The following CSTPP1 variants were observed in gnomAD, a reference collection of about 807,000 sequenced individuals.
CSTPP1 encodes the protein centriolar satellite-associated tubulin polyglutamylase complex regulator 1, also known as UPF0705 protein C11orf49.
the CSTPP1 span, among the ~76,000 whole-genome samples, chr11:47,094,420 A>G: frequency 1.3e-5 from 2 of 152,184 alleles, no homozygotes. Context: ...AACTAACAAA[A>G]TTAGGAACCT....
At chr11:47,013,065 T>C in the CSTPP1 span, among the ~76,000 whole-genome samples, 3 of 147,044 alleles carry the variant, frequency 2.0e-5, no homozygotes, top group Non-Finnish European at 3.0e-5. Context: ...TAATAACATA[T>C]ATATTTTATT....
chr11:47,164,190 G>A, the CSTPP1 span: 1 of 1,613,544 alleles, frequency 6.2e-7, no homozygotes, highest in South Asian at 1.1e-5. Flanking sequence ...GGAGGCCCTG[G>A]AGAGAGTGTC....
the CSTPP1 span, among the ~76,000 whole-genome samples, chr11:46,955,997 C>T: frequency 2.0e-5 from 3 of 148,722 alleles, no homozygotes; most frequent in East Asian, 2.0e-4. Context: ...CCCCCCCCCC[C>T]CCACCAAAAA....
At chr11:46,976,020 T>TC in the CSTPP1 span, among the ~76,000 whole-genome samples, 1 of 152,102 alleles carries the variant, frequency 6.6e-6, no homozygotes, top group Non-Finnish European at 1.5e-5. Flanking sequence ...GGGTCATCAT[T>TC]GTGTTTGTTA....
At chr11:47,132,327 T>C in the CSTPP1 span, among the ~76,000 whole-genome samples, 2 of 152,232 alleles carry the variant, frequency 1.3e-5, no homozygotes, top group East Asian at 3.8e-4. Flanking sequence ...AACAGGTGTT[T>C]ACTGCAATGC....
the CSTPP1 span, among the ~76,000 whole-genome samples, chr11:47,125,602 G>A: frequency 2.6e-5 from 4 of 152,208 alleles, no homozygotes; most frequent in African/African-American, 9.7e-5. Context: ...CTCAGAGGAA[G>A]TATAATAACT....
At chr11:46,938,661 C>T in the CSTPP1 span, among the ~76,000 whole-genome samples, 1 of 151,528 alleles carries the variant, frequency 6.6e-6, no homozygotes, top group Non-Finnish European at 1.5e-5. Context: ...TTTAACTTAG[C>T]AGTAAGCATT....
chr11:46,947,890 A>C, the CSTPP1 span: 1 of 362,030 alleles, frequency 2.8e-6, no homozygotes, highest in Non-Finnish European at 5.5e-6. Context: ...AAACAGAGGC[A>C]TCTGGCGGGG....
the CSTPP1 span, among the ~76,000 whole-genome samples, chr11:47,108,732 A>G: frequency 8.1e-3 from 917 of 112,854 alleles, 5 homozygotes; most frequent in Non-Finnish European, 0.012. Context: ...TTTGAGATGG[A>G]GTCTCACTGC....
the CSTPP1 span, among the ~76,000 whole-genome samples, chr11:47,104,430 C>T: frequency 1.3e-5 from 2 of 152,192 alleles, no homozygotes; most frequent in African/African-American, 4.8e-5. Context: ...AGCAGCTGGG[C>T]TTCTCTCTCC....
chr11:47,111,645 AG>A, the CSTPP1 span, among the ~76,000 whole-genome samples: 1 of 152,080 alleles, frequency 6.6e-6, no homozygotes, highest in Non-Finnish European at 1.5e-5. Context: ...GCACCTGCAG[AG>A]AATTAACCAT....
At chr11:47,070,167 G>C in the CSTPP1 span, among the ~76,000 whole-genome samples, 899 of 152,188 alleles carry the variant, frequency 5.9e-3, 4 homozygotes, top group Non-Finnish European at 9.6e-3. Flanking sequence ...GAGAACATAA[G>C]TGCACTATGA....
At chr11:47,116,802 C>G in the CSTPP1 span, among the ~76,000 whole-genome samples, 1 of 151,098 alleles carries the variant, frequency 6.6e-6, no homozygotes, top group Non-Finnish European at 1.5e-5. Context: ...GCCTCAGCCT[C>G]CCGAGTAGCT....
the CSTPP1 span, among the ~76,000 whole-genome samples, chr11:46,947,009 C>G: frequency 6.6e-6 from 1 of 152,168 alleles, no homozygotes; most frequent in Non-Finnish European, 1.5e-5. Context: ...GTTTTTCCCC[C>G]CTTCCATGAA....
the CSTPP1 span, among the ~76,000 whole-genome samples, chr11:47,095,724 C>T: frequency 6.6e-6 from 1 of 152,162 alleles, no homozygotes; most frequent in Non-Finnish European, 1.5e-5. Context: ...TAGCGCTTTT[C>T]AACTATGTTA....
At chr11:47,103,416 G>A in the CSTPP1 span, among the ~76,000 whole-genome samples, 2 of 145,930 alleles carry the variant, frequency 1.4e-5, no homozygotes, top group African/African-American at 2.5e-5. Context: ...AAAAAAAAAT[G>A]TACAGAATCA....
At chr11:46,954,474 T>C in the CSTPP1 span, among the ~76,000 whole-genome samples, 1,994 of 152,090 alleles carry the variant, frequency 0.013, 30 homozygotes, top group Admixed American at 0.021. Context: ...GCTTGAACCC[T>C]GGAGGCAGAG....
At chr11:47,004,906 G>C in the CSTPP1 span, among the ~76,000 whole-genome samples, 1 of 152,140 alleles carries the variant, frequency 6.6e-6, no homozygotes, top group Non-Finnish European at 1.5e-5. Context: ...CTGAACAGTT[G>C]GAATGTATTG....
the CSTPP1 span, among the ~76,000 whole-genome samples, chr11:47,162,822 G>C: frequency 5.9e-5 from 9 of 152,046 alleles, no homozygotes; most frequent in Non-Finnish European, 1.3e-4. Flanking sequence ...TACCCAGAAC[G>C]GATCATTACA....
Sources: allele counts gnomAD v4.1 joint callset (sites outside exome capture counted in the v4.1 genomes callset), GRCh38; gene constraint gnomAD v4.1.1; transcripts MANE v1.5; gene names NCBI Gene and HGNC (gene_info 2026-07-23, HGNC 2026-07-21).